PARP4: variants seen among roughly 807,000 people sequenced by gnomAD.
PARP4 encodes poly(ADP-ribose) polymerase family member 4.
A neutral mutation model predicts 187.7 loss-of-function variants in PARP4; 120 were observed. The ratio of observed to expected loss-of-function variants is 0.64; its 90% confidence interval spans 0.55 to 0.74. The LOEUF (loss-of-function observed/expected upper bound fraction) is 0.74. Among genes scored for constraint, PARP4 ranks in the 30% least tolerant of loss-of-function variants. PARP4 has a pLI of 0.00. For missense variants in PARP4, 1,836 were observed against 2,070.5 expected, an observed-to-expected ratio of 0.89 and a Z score of 2.20; for synonymous variants, 654 against 740.9, an observed-to-expected ratio of 0.88 and a Z score of 1.90.
chr13:24,489,236 T>A (rs1276699690), intron 10 of PARP4, among the ~76,000 whole-genome samples: 5 of 152,224 alleles, frequency 3.3e-5, no homozygotes, highest in Admixed American at 2.0e-4. Flanking sequence ...GCAGGCTGCA[T>A]CATTTTTCCC....
intron 14 of PARP4, among the ~76,000 whole-genome samples, chr13:24,476,565 G>C (rs1445609979): frequency 6.6e-6 from 1 of 152,138 alleles, no homozygotes; most frequent in Non-Finnish European, 1.5e-5. Flanking sequence ...CCTATTCTAA[G>C]TGGCACAAAC....
Position 24,434,408 on chromosome 13 carries a change from C to T in PARP4, c.4733G>A (p.Ser1578Asn), listed in dbSNP as rs141019866. Residue 1578 changes from serine (S) to asparagine (N), a missense_variant, in exon 31 of 34, where the codon AGT (serine) becomes AAT (asparagine). Around this residue, in one of 8 missense-constraint regions of PARP4, gnomAD observed 450 missense variants for 439.2 expected, o/e 1.02. Transcript: ENST00000381989. ...QDAVPWTELL[S>N]LQTEDGFWKL... ...TAAGACACATACCTCTGTCTGTAGACTGAGGAGTTCTGTCCAAGGCACAGC... is the reference window on the plus strand; with the variant it reads ...TAAGACACATACCTCTGTCTGTAGATTGAGGAGTTCTGTCCAAGGCACAGC... 4.5e-6 allele frequency: 7 copies of T among 1,559,240 alleles called. No individual in the cohort carries two copies. Among genetic ancestry groups the T allele is most frequent in the Admixed American group, 3.7e-5 (2 of 53,892 alleles).
chr13:24,500,570 A>C (rs1869218724), intron 3 of PARP4, among the ~76,000 whole-genome samples, 188 bp from the exon 4 acceptor site: 1 of 152,220 alleles, frequency 6.6e-6, no homozygotes. Flanking sequence ...AACATACTCT[A>C]ATTCTATTTT....
intron 1 of PARP4, among the ~76,000 whole-genome samples, 167 bp from the exon 2 acceptor site, chr13:24,503,944 AAT>A (rs1262037572): frequency 7.9e-5 from 12 of 152,222 alleles, no homozygotes; most frequent in African/African-American, 2.4e-4. Flanking sequence ...CCTAGCTTGC[AAT>A]ATGTGTGTTG....
intron 15 of PARP4, 88 bp downstream of exon 15, chr13:24,475,384 T>A: frequency 2.5e-6 from 3 of 1,210,054 alleles, no homozygotes; most frequent in Non-Finnish European, 3.6e-6. Context: ...ATCTATCTAT[T>A]CCCTTCAGTT....
At chr13:24,487,151 T>C (rs1340274328) in intron 10 of PARP4, among the ~76,000 whole-genome samples, 1 of 151,054 alleles carries the variant, frequency 6.6e-6, no homozygotes, top group East Asian at 1.9e-4. Flanking sequence ...TCCCAGCTAC[T>C]CAGGAGGCTG....
chr13:24,468,187 C>T (rs1190320479), intron 17 of PARP4, among the ~76,000 whole-genome samples: 1 of 152,052 alleles, frequency 6.6e-6, no homozygotes, highest in Non-Finnish European at 1.5e-5. Flanking sequence ...CCAGAGGCCT[C>T]GTGAAAACAC....
chr13:24,453,476 C>CCA (rs1327527034), intron 23 of PARP4, 111 bp downstream of exon 23: 1 of 582,872 alleles, frequency 1.7e-6, no homozygotes, highest in Non-Finnish European at 3.1e-6. Flanking sequence ...TATACAAAAA[C>CCA]CACAGGAGTA....
rs143622317 is a variant in PARP4, at chr13:24,509,680, A to G, written c.-2+3026T>C. ...AAAAAAGCACCTGATCCCTCCATCC[A>G]GAAATAACCCCACTGTTGATTTTTA... On this transcript the variant is annotated intron_variant, in intron 1 of 33. Transcript: ENST00000381989. Among the ~76,000 whole-genome samples, 515 of 152,180 alleles carry G rather than the reference A, an allele frequency of 3.4e-3. 6 individuals are homozygous for G. The highest frequency in any genetic ancestry group is 0.011 in the African/African-American group (468 of 41,520).
At chr13:24,424,072 G>A (rs879142257) in intron 33 of PARP4, among the ~76,000 whole-genome samples, 6 of 151,994 alleles carry the variant, frequency 3.9e-5, no homozygotes, top group African/African-American at 7.2e-5. Context: ...TGACCCTCCC[G>A]TCTCAGCCTC....
chr13:24,503,574 T>C (rs558906472), intron 2 of PARP4, 71 bp downstream of exon 2: 1 of 1,551,820 alleles, frequency 6.4e-7, no homozygotes, highest in African/African-American at 1.4e-5. Context: ...CTGCTTCCTC[T>C]TCTAACCATG....
intron 17 of PARP4, among the ~76,000 whole-genome samples, chr13:24,466,771 C>T (rs1049128866): frequency 4.3e-5 from 6 of 138,510 alleles, no homozygotes; most frequent in Non-Finnish European, 9.1e-5. Context: ...TGCACTCCAG[C>T]CTGGGCAACA....
At chr13:24,454,938 A>C in intron 22 of PARP4, 79 bp downstream of exon 22, 1 of 1,189,496 alleles carries the variant, frequency 8.4e-7, no homozygotes, top group Non-Finnish European at 1.2e-6. Context: ...AGGGTCGGGT[A>C]CCCACAGTTG....
intron 10 of PARP4, among the ~76,000 whole-genome samples, chr13:24,488,350 G>T (rs1725273555): frequency 6.6e-6 from 1 of 152,152 alleles, no homozygotes; most frequent in Admixed American, 6.5e-5. Flanking sequence ...TCTGGAGAAG[G>T]CCTGTGGGAA....
chr13:24,452,378 A>C (rs1565997218), intron 24 of PARP4, 28 bp downstream of exon 24: 2 of 1,591,874 alleles, frequency 1.3e-6, no homozygotes, highest in Non-Finnish European at 1.7e-6. Flanking sequence ...GTGGGTCTGG[A>C]CTATGTGACC....
rs748165011 is a variant in PARP4, at chr13:24,494,681, T to A, written c.633A>T (p.Ala211=). The stretch of plus-strand genomic sequence containing the variant: ...CAATGTAATTTTCAAAGTATTCACT[T>A]GCATCTTCAGAGGTTTTCTTTATAG... The part of the protein sequence containing the change: ...QFAIKKTSED[A]SEYFENYIEE... The change falls in exon 7 of 34, where the codon GCA becomes GCT. Residue 211 remains alanine, a synonymous_variant. Coordinates refer to ENST00000381989, the MANE Select transcript of PARP4 (RefSeq NM_006437.4). 1.2e-6 allele frequency: 2 copies of A among 1,609,406 alleles called. No individual in the cohort carries two copies. Among genetic ancestry groups the A allele is most frequent in the Non-Finnish European group, 1.7e-6 (2 of 1,176,356 alleles).
chr13:24,427,326 T>TG (rs1427080943), intron 32 of PARP4, among the ~76,000 whole-genome samples: 1 of 152,062 alleles, frequency 6.6e-6, no homozygotes, highest in Non-Finnish European at 1.5e-5. Flanking sequence ...TTACATGTGT[T>TG]GAACTCAATT....
chr13:24,479,220 C>T (rs958441959), intron 12 of PARP4, among the ~76,000 whole-genome samples: 73 of 152,084 alleles, frequency 4.8e-4, no homozygotes, highest in African/African-American at 1.6e-3. Flanking sequence ...TTCAAAATGC[C>T]GAAGTATGGC....
intron 15 of PARP4, 33 bp from the exon 16 acceptor site, chr13:24,470,058 A>C: frequency 6.3e-7 from 1 of 1,592,232 alleles, no homozygotes; most frequent in Non-Finnish European, 8.6e-7. Context: ...ACAATTGATG[A>C]GACCACATGG....
Sources: gnomAD v4.1 joint callset for allele counts (sites outside exome capture counted in the v4.1 genomes callset) on GRCh38, gnomAD v4.1.1 for gene constraint, gnomAD v4.1.1 regional missense constraint, MANE v1.5 for transcripts, NCBI Gene and HGNC (gene_info 2026-07-23, HGNC 2026-07-21) for gene names.